Variants in BDP1 observed in about 807,000 individuals in gnomAD.
The protein encoded by BDP1 is transcription factor TFIIIB component B'' homolog.
In BDP1, 169 loss-of-function variants were observed where a neutral mutation model predicts 266.6. The ratio of observed to expected loss-of-function variants is 0.63; its 90% CI spans 0.56 to 0.72. The LOEUF (loss-of-function observed/expected upper bound fraction) is 0.72, where lower values mean the gene tolerates loss of function less well. BDP1 is among the 30% of genes least tolerant of loss of function. The probability of loss-of-function intolerance (pLI) is 0.00; values close to 1 mark genes in which losing one functional copy is unlikely to be tolerated. For synonymous variants in BDP1, 1,090 were observed against 1,022.4 expected, an observed-to-expected ratio of 1.07 and a Z score of -1.26; for missense variants, 3,015 against 3,053.8, an observed-to-expected ratio of 0.99 and a Z score of 0.30.
intron 10 of BDP1, among the ~76,000 whole-genome samples, chr5:71,490,062 A>G (rs888625060): frequency 2.0e-5 from 3 of 152,220 alleles, no homozygotes; most frequent in East Asian, 1.9e-4. Context: ...GTTAGTTCCT[A>G]TAAAAGAACT....
At chr5:71,560,351 A>G (rs1346690574) in intron 37 of BDP1, 114 bp downstream of exon 37, 1 of 1,145,274 alleles carries the variant, frequency 8.7e-7, no homozygotes, top group Non-Finnish European at 1.2e-6. Flanking sequence ...ATATTCCTCC[A>G]TCAGTAATGT....
the BDP1 span, among the ~76,000 whole-genome samples, chr5:71,575,974 C>T: frequency 2.0e-5 from 3 of 152,160 alleles, no homozygotes; most frequent in Non-Finnish European, 4.4e-5. Flanking sequence ...CAAACAACTT[C>T]CCCATACCAA....
chr5:71,525,328 A>G (rs1765743516), intron 25 of BDP1, among the ~76,000 whole-genome samples: 2 of 133,558 alleles, frequency 1.5e-5, no homozygotes, highest in African/African-American at 5.7e-5. Flanking sequence ...CTCACTTCCC[A>G]GTAGGGGCGG....
At chr5:71,491,240 C>A in intron 11 of BDP1, 109 bp downstream of exon 11, 2 of 1,043,552 alleles carry the variant, frequency 1.9e-6, no homozygotes, top group Non-Finnish European at 2.8e-6. Context: ...TTTTTCAGTT[C>A]TATTTGTTTT....
chr5:71,571,445 G>C (rs1249704198), downstream of BDP1, among the ~76,000 whole-genome samples: 1 of 152,110 alleles, frequency 6.6e-6, no homozygotes, highest in South Asian at 2.1e-4. Context: ...ACCGCACCTG[G>C]CCCCTGGAAC....
chr5:71,466,021 ATTTAT>A, intron 4 of BDP1, 70 bp from the exon 5 acceptor site: 2 of 1,467,120 alleles, frequency 1.4e-6, no homozygotes, highest in Non-Finnish European at 1.9e-6. Flanking sequence ...GTTTGTAATC[ATTTAT>A]TTTAAGTTTT....
chr5:71,522,311 C>G lies in BDP1; in HGVS notation c.5014C>G (p.Pro1672Ala). The change falls in exon 23 of 39, where the codon CCT becomes GCT. Residue 1672 changes from proline to alanine, a missense_variant. Transcript: ENST00000358731. ...TAGACATGAAAATAAACCGTATGTT[C>G]CTAGTTCAGCACAAATGACAAGAAG... is the stretch of plus-strand genomic sequence containing the variant. ...TIRHENKPYV[P>A]SSAQMTRRKF... The G allele has an allele frequency of 6.2e-7, 1 of 1,613,530 alleles. No homozygotes were observed. The highest frequency in any genetic ancestry group is 2.2e-5 in the East Asian group (1 of 44,870).
At chr5:71,515,295 C>T (rs1765160771) in intron 20 of BDP1, among the ~76,000 whole-genome samples, 173 bp downstream of exon 20, 1 of 152,106 alleles carries the variant, frequency 6.6e-6, no homozygotes, top group Non-Finnish European at 1.5e-5. Flanking sequence ...AATTCAACAC[C>T]TTCTAATGGT....
At chr5:71,484,117 C>G (rs1281784963) in intron 8 of BDP1, among the ~76,000 whole-genome samples, 1 of 152,148 alleles carries the variant, frequency 6.6e-6, no homozygotes, top group Admixed American at 6.5e-5. Context: ...GTAAACAGTT[C>G]TAAGTCCAAG....
chr5:71,535,111 G>T (rs1011931746), intron 26 of BDP1, among the ~76,000 whole-genome samples: 1 of 152,024 alleles, frequency 6.6e-6, no homozygotes, highest in African/African-American at 2.4e-5. Flanking sequence ...ACTTCTTTCT[G>T]TATTAGTTTC....
At position 71,470,779 on chromosome 5, in the gene BDP1, G is replaced by A. The variant is rs537898801; in HGVS notation, c.1014+290G>A. Reference sequence around the variant, plus strand: ...ATTTTTTTACTGTTTTAGTAGAGACGGGGTTTTACCATGTTGCCCAGGCTG... The same window carrying A: ...ATTTTTTTACTGTTTTAGTAGAGACAGGGTTTTACCATGTTGCCCAGGCTG... On this transcript the variant is annotated intron_variant, in intron 7 of 38. Coordinates refer to ENST00000358731, the MANE Select transcript of BDP1 (RefSeq NM_018429.3). 1.3e-4 allele frequency among the ~76,000 whole-genome samples: 20 copies of A among 151,626 alleles called. No homozygotes were observed. The East Asian group carries it at 3.5e-3, about 26-fold the overall frequency.
At chr5:71,523,375 C>G (rs559373459) in intron 24 of BDP1, among the ~76,000 whole-genome samples, 1 of 152,068 alleles carries the variant, frequency 6.6e-6, no homozygotes, top group Non-Finnish European at 1.5e-5. Context: ...AGTACAATTG[C>G]GTGACTCGGC....
At chr5:71,544,200 G>A (rs1037585785) in intron 30 of BDP1, among the ~76,000 whole-genome samples, 157 bp from the exon 31 acceptor site, 5 of 152,200 alleles carry the variant, frequency 3.3e-5, no homozygotes, top group Non-Finnish European at 7.3e-5. Flanking sequence ...TATTAGCTAG[G>A]ACTTTCTGCC....
At chr5:71,505,660 A>G (rs546022380) in intron 16 of BDP1, among the ~76,000 whole-genome samples, 2 of 152,336 alleles carry the variant, frequency 1.3e-5, no homozygotes, top group East Asian at 1.9e-4. Context: ...CTTTACGTTT[A>G]AAGGCTAGCC....
intron 15 of BDP1, 22 bp downstream of exon 15, chr5:71,502,813 CA>C (rs767977178): frequency 2.9e-5 from 47 of 1,594,268 alleles, no homozygotes; most frequent in East Asian, 2.2e-4. Flanking sequence ...GATTCCTCCT[CA>C]CATTTTTGGT....
chr5:71,536,895 G>A (rs925454738), intron 26 of BDP1, among the ~76,000 whole-genome samples: 13 of 152,084 alleles, frequency 8.5e-5, no homozygotes, highest in African/African-American at 2.9e-4. Context: ...TTGGGAGGCC[G>A]AGGCAGGCAG....
At chr5:71,535,202 A>AT (rs771227527) in intron 26 of BDP1, among the ~76,000 whole-genome samples, 349 of 143,812 alleles carry the variant, frequency 2.4e-3, no homozygotes, top group Admixed American at 2.3e-3. Flanking sequence ...TAAAATAACA[A>AT]TTTTTTTTTT....
intron 35 of BDP1, among the ~76,000 whole-genome samples, chr5:71,555,840 CT>C (rs1161848479): frequency 6.6e-6 from 1 of 152,122 alleles, no homozygotes; most frequent in African/African-American, 2.4e-5. Context: ...CTCCTCATTA[CT>C]TATATGTTCT....
At chr5:71,559,258 T>G (rs1013610251) in intron 36 of BDP1, among the ~76,000 whole-genome samples, 13 of 152,238 alleles carry the variant, frequency 8.5e-5, no homozygotes, top group African/African-American at 3.1e-4. Flanking sequence ...TTACAGCCTC[T>G]AGAGATGTTC....
Sources: allele counts gnomAD v4.1 joint callset (sites outside exome capture counted in the v4.1 genomes callset), GRCh38; gene constraint gnomAD v4.1.1; transcripts MANE v1.5; gene names NCBI Gene and HGNC (gene_info 2026-07-23, HGNC 2026-07-21).